IL4I1: variants seen among roughly 807,000 people sequenced by gnomAD.
The protein encoded by IL4I1 is L-amino-acid oxidase.
In IL4I1, 24 loss-of-function variants were observed where a neutral mutation model predicts 29.7. The ratio of observed to expected loss-of-function variants is 0.81; its 90% CI spans 0.59 to 1.14. The LOEUF (loss-of-function observed/expected upper bound fraction) is 1.14. IL4I1 is among the 50% of genes most tolerant of loss of function. The probability of loss-of-function intolerance (pLI) is 0.00; values close to 1 mark genes in which losing one functional copy is unlikely to be tolerated. For synonymous variants in IL4I1, 371 were observed against 352.5 expected (o/e 1.05, Z -0.59); for missense variants, 686 against 785.6 (o/e 0.87, Z 1.52).
At chr19:49,927,177 T>C (rs527610417) in intron 2 of IL4I1, among the ~76,000 whole-genome samples, 1 of 152,168 alleles carries the variant, frequency 6.6e-6, no homozygotes, top group East Asian at 1.9e-4. Context: ...TAGGTATTCT[T>C]AATGCCACTT....
chr19:49,908,974 G>A (rs368282671), intron 2 of IL4I1: 19 of 1,609,516 alleles, frequency 1.2e-5, no homozygotes, highest in Middle Eastern at 1.7e-4. Context: ...TGGTGGTGGC[G>A]GTGGCGGTGG....
intron 2 of IL4I1, among the ~76,000 whole-genome samples, chr19:49,916,171 G>A (rs751420989): frequency 1.6e-4 from 25 of 152,152 alleles, no homozygotes; most frequent in Non-Finnish European, 3.5e-4. Flanking sequence ...AGCTTTCCAG[G>A]GCCAAGTCTT....
Position 49,890,536 on chromosome 19 carries a change from G to C in IL4I1, c.838C>G (p.Leu280Val), listed in dbSNP as rs1474687004. 4.4e-6 allele frequency: 7 copies of C among 1,604,768 alleles called. No homozygotes were observed. The African/African-American group carries it at 9.4e-5, about 21-fold the overall frequency. Residue 280 changes from leucine to valine, a missense_variant, in exon 8 of 8, where the codon CTT (leucine) becomes GTT (valine). Leu to Val is a conservative substitution (Grantham distance 32). Transcript: ENST00000391826. ...PRALLSSLSGLVLLNAPVVAM... is the reference protein window; with the variant it reads ...PRALLSSLSGVVLLNAPVVAM... ...ACCACGGGCGCGTTCAACAGCACAAGCCCGGACAGCGAGCTCAGCAGCGCG... is the reference window on the plus strand; with the variant it reads ...ACCACGGGCGCGTTCAACAGCACAACCCCGGACAGCGAGCTCAGCAGCGCG...
chr19:49,925,449 CAAAAAA>C (rs56199048), intron 2 of IL4I1, among the ~76,000 whole-genome samples: 46 of 132,854 alleles, frequency 3.5e-4, no homozygotes, highest in Non-Finnish European at 6.4e-4. Context: ...TAAAAAAAGC[CAAAAAA>C]AAAAAAAAAT....
At chr19:49,894,525 C>A in intron 4 of IL4I1, 56 bp from the exon 5 acceptor site, 2 of 1,194,758 alleles carry the variant, frequency 1.7e-6, no homozygotes, top group South Asian at 1.2e-5. Flanking sequence ...GGCCTGGTCC[C>A]TAGTGGGACT....
intron 5 of IL4I1, among the ~76,000 whole-genome samples, chr19:49,892,248 A>G (rs1337884990): frequency 6.6e-6 from 1 of 151,634 alleles, no homozygotes; most frequent in Non-Finnish European, 1.5e-5. Context: ...CACCTGGCTC[A>G]TTTTTGCATT....
chr19:49,922,443 C>A (rs996754038), intron 2 of IL4I1, among the ~76,000 whole-genome samples: 4 of 152,072 alleles, frequency 2.6e-5, no homozygotes, highest in Non-Finnish European at 5.9e-5. Context: ...CCCTCCTTCA[C>A]ATGGGACCGG....
intron 2 of IL4I1, chr19:49,907,368 C>A: frequency 3.1e-6 from 1 of 327,578 alleles, no homozygotes; most frequent in Non-Finnish European, 5.9e-6. Context: ...ATCTGTGGTT[C>A]CTCAACACCC....
chr19:49,898,417 T>C (rs543637584), upstream of IL4I1, among the ~76,000 whole-genome samples: 133 of 152,278 alleles, frequency 8.7e-4, 1 homozygote, highest in Non-Finnish European at 1.8e-3. Flanking sequence ...GGTGGGAGGA[T>C]TGCTTGAGCC....
chr19:49,890,741 G>A (rs1448508630), intron 7 of IL4I1, 141 bp from the exon 8 acceptor site: 3 of 627,964 alleles, frequency 4.8e-6, no homozygotes, highest in Non-Finnish European at 4.6e-6. Flanking sequence ...GACCCCGCCC[G>A]TCCCTGACAT....
At chr19:49,890,930 C>CA in intron 7 of IL4I1, 41 bp downstream of exon 7, 1 of 299,422 alleles carries the variant, frequency 3.3e-6, no homozygotes, top group Non-Finnish European at 5.8e-6. Context: ...TCCCTGATTG[C>CA]CCCCCGCCCC....
At chr19:49,909,915 G>A (rs1271126196) in intron 2 of IL4I1, 5 of 1,279,722 alleles carry the variant, frequency 3.9e-6, no homozygotes, top group Non-Finnish European at 5.6e-6. Flanking sequence ...TTGTCAGATG[G>A]CAGTTTTGGA....
Position 49,889,888 on chromosome 19 carries a change from A to ACTTGACCGCCGT in IL4I1, c.1474_1485dup (p.Thr492_Lys495dup). The ACTTGACCGCCGT allele has an allele frequency of 6.2e-7, 1 of 1,606,554 alleles. No homozygotes were observed. On this transcript the variant is annotated inframe_insertion, in exon 8 of 8. Transcript: ENST00000391826. ...ATCTTGATGGCGGCGCGCAGCGCCG[A>ACTTGACCGCCGT]CTTGACCGCCGTCTCCACCCAGCCG...
intron 2 of IL4I1, among the ~76,000 whole-genome samples, chr19:49,923,635 C>T (rs1472654460): frequency 6.6e-6 from 1 of 152,252 alleles, no homozygotes; most frequent in Non-Finnish European, 1.5e-5. Flanking sequence ...GGAACTACTG[C>T]TCACAGGGCA....
intron 2 of IL4I1, among the ~76,000 whole-genome samples, chr19:49,924,574 C>T (rs116618585): frequency 6.6e-6 from 1 of 152,214 alleles, no homozygotes; most frequent in Non-Finnish European, 1.5e-5. Context: ...TTGCTTCAAG[C>T]CCCAGCTCAG....
At chr19:49,896,806 T>C (rs1371798085) in intron 1 of IL4I1, 29 bp downstream of exon 1, 11 of 985,908 alleles carry the variant, frequency 1.1e-5, no homozygotes, top group Non-Finnish European at 1.3e-5. Flanking sequence ...CCTGTCTCTC[T>C]GTCCCCCCAC....
Position 49,927,475 on chromosome 19 carries a change from T to C in IL4I1, c.-228+219A>G, listed in dbSNP as rs558094143. Among the ~76,000 whole-genome samples, 18 of 152,330 alleles carry C rather than the reference T, an allele frequency of 1.2e-4. No individual in the cohort carries two copies. The East Asian group carries it at 3.3e-3, about 28-fold the overall frequency. On this transcript the variant is annotated intron_variant, in intron 2 of 9. Coordinates refer to the IL4I1 transcript ENST00000341114. ...GCATTCAAAGCTGTTCTAGGCCGCA[T>C]GCAGGCCCACGGGTGGGACAAGCTC...
chr19:49,905,645 G>C (rs561919845), intron 2 of IL4I1, among the ~76,000 whole-genome samples: 1 of 152,294 alleles, frequency 6.6e-6, no homozygotes, highest in South Asian at 2.1e-4. Context: ...TGCCTAGGCT[G>C]GAGTGCAATG....
chr19:49,897,226 C>T (rs1031498559), upstream of IL4I1, among the ~76,000 whole-genome samples: 30 of 152,316 alleles, frequency 2.0e-4, no homozygotes, highest in African/African-American at 6.3e-4. Context: ...TTGATTCCCA[C>T]GGGGACAGAG....
Sources: gnomAD v4.1 joint callset for allele counts (sites outside exome capture counted in the v4.1 genomes callset) on GRCh38, gnomAD v4.1.1 for gene constraint, MANE v1.5 for transcripts, NCBI Gene and HGNC (gene_info 2026-07-23, HGNC 2026-07-21) for gene names.